ZFYVE1: variants seen among roughly 807,000 people sequenced by gnomAD.
ZFYVE1 encodes zinc finger FYVE domain-containing protein 1.
Under a neutral mutation model 74.4 loss-of-function variants are expected in ZFYVE1, and 30 were observed. The observed-to-expected ratio is 0.40, with a 90% CI of 0.30 to 0.55. The LOEUF (loss-of-function observed/expected upper bound fraction) is 0.55. Among genes scored for constraint, ZFYVE1 ranks in the 20% least tolerant of loss-of-function variants. ZFYVE1 has a pLI of 0.42. For missense variants in ZFYVE1, 703 were observed against 1,011.6 expected (o/e 0.69, Z 4.14); for synonymous variants, 335 against 385.1 (o/e 0.87, Z 1.52).
intron 2 of ZFYVE1, among the ~76,000 whole-genome samples, chr14:73,007,229 G>A (rs904689120): frequency 6.6e-6 from 1 of 152,078 alleles, no homozygotes; most frequent in Admixed American, 6.6e-5. Flanking sequence ...AGCCTTGGAA[G>A]GAAGGAAGTT....
intron 4 of ZFYVE1, among the ~76,000 whole-genome samples, chr14:72,992,394 T>C (rs1475529177): frequency 6.6e-6 from 1 of 152,192 alleles, no homozygotes; most frequent in Non-Finnish European, 1.5e-5. Context: ...TCACCAACTG[T>C]GTATAACCAA....
intron 5 of ZFYVE1, among the ~76,000 whole-genome samples, chr14:72,981,367 C>T (rs141531507): frequency 1.5e-4 from 23 of 152,212 alleles, no homozygotes; most frequent in African/African-American, 4.6e-4. Flanking sequence ...GAATCAATAC[C>T]GACCCATAGT....
chr14:73,022,211 C>G (rs1324625316), intron 2 of ZFYVE1, among the ~76,000 whole-genome samples: 1 of 152,160 alleles, frequency 6.6e-6, no homozygotes, highest in Non-Finnish European at 1.5e-5. Flanking sequence ...TTCCATAACT[C>G]TATTCGATCC....
chr14:72,974,636 G>T, intron 10 of ZFYVE1, 143 bp downstream of exon 10: 2 of 1,067,718 alleles, frequency 1.9e-6, no homozygotes, highest in Non-Finnish European at 2.6e-6. Context: ...TTAACAAGGA[G>T]CTTAGAGGCT....
chr14:72,994,428 T>G (rs948873415), intron 3 of ZFYVE1, among the ~76,000 whole-genome samples: 3 of 151,368 alleles, frequency 2.0e-5, no homozygotes, highest in African/African-American at 7.3e-5. Flanking sequence ...CAGGTTACCC[T>G]TTCCTGGTAA....
intron 1 of ZFYVE1, among the ~76,000 whole-genome samples, chr14:73,026,145 A>G (rs1052225139): frequency 6.6e-6 from 1 of 152,072 alleles, no homozygotes; most frequent in Non-Finnish European, 1.5e-5. Context: ...AAAAAAAAAA[A>G]AAAAGGAGCA....
chr14:72,993,353 A>T lies in ZFYVE1; in HGVS notation c.993T>A (p.His331Gln), dbSNP rs769471913. The T allele has an allele frequency of 6.2e-7, 1 of 1,611,224 alleles. No homozygotes were observed. Among genetic ancestry groups the T allele is most frequent in the Non-Finnish European group, 8.5e-7 (1 of 1,179,036 alleles). ...TGAGCTTCTCTGGCACCTCTGAGGGATGATCTATACAAGCAGAAACACAGG... is the reference window on the plus strand; with the variant it reads ...TGAGCTTCTCTGGCACCTCTGAGGGTTGATCTATACAAGCAGAAACACAGG... ...TVHTQLLGSD[H>Q]PSEVPEKLIQ... is the part of the protein sequence containing the mutation. The change falls in exon 4 of 12, where the codon CAT becomes CAA. Residue 331 changes from histidine to glutamine, a missense_variant. This residue lies in a region of ZFYVE1 where 492 missense variants were observed against 790.0 expected (regional missense o/e 0.62). Coordinates refer to ENST00000556143, the MANE Select transcript of ZFYVE1 (RefSeq NM_021260.4).
intron 2 of ZFYVE1, among the ~76,000 whole-genome samples, chr14:73,012,091 TG>T (rs1894103267): frequency 6.6e-6 from 1 of 151,700 alleles, no homozygotes; most frequent in Admixed American, 6.6e-5. Context: ...GGTTCATGCC[TG>T]AATCCCACTG....
At chr14:73,012,844 A>G (rs1372968718) in intron 2 of ZFYVE1, among the ~76,000 whole-genome samples, 2 of 152,182 alleles carry the variant, frequency 1.3e-5, no homozygotes, top group Non-Finnish European at 2.9e-5. Context: ...CACATAAACT[A>G]TATTGAACGC....
At chr14:72,991,962 A>C (rs1419860137) in intron 4 of ZFYVE1, among the ~76,000 whole-genome samples, 3 of 150,246 alleles carry the variant, frequency 2.0e-5, no homozygotes, top group Non-Finnish European at 4.4e-5. Context: ...GCTGGAGTGC[A>C]GTGGGACAAT....
At chr14:72,978,774 G>T in intron 6 of ZFYVE1, 87 bp downstream of exon 6, 2 of 1,074,392 alleles carry the variant, frequency 1.9e-6, no homozygotes, top group Non-Finnish European at 2.9e-6. Flanking sequence ...TCAGCATGCA[G>T]CAAAAAATGG....
chr14:73,011,401 G>A (rs1046724225), intron 2 of ZFYVE1, among the ~76,000 whole-genome samples: 6 of 151,992 alleles, frequency 3.9e-5, no homozygotes, highest in Non-Finnish European at 7.4e-5. Context: ...GTGGAAGGAC[G>A]GCTTGAGCCA....
chr14:72,980,540 T>TTA lies in ZFYVE1; in HGVS notation c.1310+1248_1310+1249insTA, dbSNP rs1567347271. On this transcript the variant is annotated intron_variant, in intron 5 of 11. Coordinates refer to ENST00000556143, the MANE Select transcript of ZFYVE1 (RefSeq NM_021260.4). ...AGCATCACCTGAGAATTAATTAATT[T>TTA]ATTTATTTATTTATTTATTTATTTA... Among the ~76,000 whole-genome samples, 148 of 92,926 alleles carry TTA rather than the reference T, an allele frequency of 1.6e-3. 1 individual carries two copies. Among genetic ancestry groups the TTA allele is most frequent in the East Asian group, 0.011 (33 of 2,934 alleles). 61.0% of individuals were successfully genotyped at this position (92,926 alleles called of 152,430 possible). A position where few individuals can be genotyped will look rare whatever the true frequency, so the allele number is the denominator to read the frequency against.
At chr14:72,982,357 T>C (rs925366898) in intron 4 of ZFYVE1, among the ~76,000 whole-genome samples, 2 of 147,242 alleles carry the variant, frequency 1.4e-5, no homozygotes, top group South Asian at 2.2e-4. Context: ...TACTAGACCA[T>C]AGACAAACTC....
At chr14:72,987,428 G>C (rs776372324) in intron 4 of ZFYVE1, among the ~76,000 whole-genome samples, 1 of 152,178 alleles carries the variant, frequency 6.6e-6, no homozygotes, top group Non-Finnish European at 1.5e-5. Flanking sequence ...TTAGCCAGGT[G>C]TGGTGGCGTG....
chr14:73,002,349 T>A (rs144904219), intron 2 of ZFYVE1, among the ~76,000 whole-genome samples: 286 of 152,346 alleles, frequency 1.9e-3, no homozygotes, highest in African/African-American at 6.4e-3. Context: ...GTAAGGACTG[T>A]ACAACTTTAT....
intron 5 of ZFYVE1, 85 bp from the exon 6 acceptor site, chr14:72,979,054 C>G (rs1054418700): frequency 1.3e-5 from 16 of 1,188,026 alleles, no homozygotes; most frequent in Non-Finnish European, 2.0e-5. Flanking sequence ...GAGCCAGGCA[C>G]AAGGCCACGA....
intron 4 of ZFYVE1, among the ~76,000 whole-genome samples, chr14:72,990,146 G>A (rs151314752): frequency 1.3e-5 from 2 of 152,246 alleles, no homozygotes; most frequent in East Asian, 3.9e-4. Flanking sequence ...TAATTTAAAG[G>A]ATGTTTAAAA....
chr14:72,975,809 C>T lies in ZFYVE1; in HGVS notation c.1636-88G>A. ...GGATGTTTGGTGAGTTGCACACTCA[C>T]CGTGGCCAACTCAGAACCACTAACT... On this transcript the variant is annotated intron_variant, in intron 8 of 11. Coordinates refer to ENST00000556143, the MANE Select transcript of ZFYVE1 (RefSeq NM_021260.4). This position sits in a 1 kb window ranked among gnomAD's most constrained non-coding sequence, Gnocchi z 4.1. 1 of 1,501,106 alleles carries T rather than the reference C, an allele frequency of 6.7e-7. No individual in the cohort carries two copies. The highest frequency in any genetic ancestry group is 9.1e-7 in the Non-Finnish European group (1 of 1,104,286). The allele number at this position is 1,501,106 out of a possible 1,614,324, so 93.0% of individuals were successfully genotyped here. A position where few individuals can be genotyped will look rare whatever the true frequency, so the allele number is the denominator to read the frequency against.
Sources: gnomAD v4.1 joint callset for allele counts (sites outside exome capture counted in the v4.1 genomes callset) on GRCh38, gnomAD v4.1.1 for gene constraint, gnomAD v4.1.1 regional missense constraint, Gnocchi (gnomAD v3.1) non-coding constraint, MANE v1.5 for transcripts, NCBI Gene and HGNC (gene_info 2026-07-23, HGNC 2026-07-21) for gene names.